The following ARID5B variants were observed in gnomAD, a reference collection of about 807,000 sequenced individuals.
ARID5B encodes the protein AT-rich interactive domain-containing protein 5B.
A neutral mutation model predicts 97.2 loss-of-function variants in ARID5B; 13 were observed. The ratio of observed to expected loss-of-function variants is 0.13; its 90% CI spans 0.09 to 0.21. ARID5B has a LOEUF of 0.21. ARID5B is among the 10% of genes least tolerant of loss of function. The probability of loss-of-function intolerance (pLI) is 1.00; values close to 1 mark genes in which losing one functional copy is unlikely to be tolerated. For synonymous variants in ARID5B, 556 were observed against 570.3 expected (o/e 0.97, Z 0.36); for missense variants, 1,210 against 1,465.3 (o/e 0.83, Z 2.84).
At chr10:61,970,981 G>A in intron 3 of ARID5B, among the ~76,000 whole-genome samples, 1 of 151,820 alleles carries the variant, frequency 6.6e-6, no homozygotes, top group African/African-American at 2.4e-5. Context: ...AAGTGTGTGT[G>A]TGTGTGTGTG....
chr10:61,995,462 C>T (rs148903630), intron 3 of ARID5B, among the ~76,000 whole-genome samples: 182 of 152,152 alleles, frequency 1.2e-3, no homozygotes, highest in South Asian at 2.5e-3. Flanking sequence ...TAAAATATGC[C>T]GACCATTGAA....
intron 3 of ARID5B, among the ~76,000 whole-genome samples, chr10:61,995,135 G>T (rs1838978984): frequency 6.6e-6 from 1 of 152,162 alleles, no homozygotes; most frequent in African/African-American, 2.4e-5. Flanking sequence ...ACTCCTAGGG[G>T]TACTTTGATT....
chr10:61,999,967 A>G (rs1269904936), intron 3 of ARID5B, 124 bp from the exon 4 acceptor site: 3 of 951,538 alleles, frequency 3.2e-6, no homozygotes, highest in South Asian at 3.1e-5. Context: ...CATCCCCCAG[A>G]CTGTAACAAG....
intron 2 of ARID5B, among the ~76,000 whole-genome samples, chr10:61,902,699 G>GTA (rs1554836060): frequency 1.1e-4 from 17 of 148,614 alleles, no homozygotes; most frequent in African/African-American, 4.2e-4. Flanking sequence ...GTGTGTGTGT[G>GTA]TGTATGTGTG....
At chr10:61,930,836 TC>T (rs747350562) in intron 2 of ARID5B, among the ~76,000 whole-genome samples, 4 of 152,198 alleles carry the variant, frequency 2.6e-5, no homozygotes, top group African/African-American at 4.8e-5. Context: ...TCTTCACATC[TC>T]CTTTTGGGAA....
chr10:61,941,461 C>T (rs1248720631), intron 3 of ARID5B, among the ~76,000 whole-genome samples: 1 of 151,456 alleles, frequency 6.6e-6, no homozygotes, highest in East Asian at 1.9e-4. Flanking sequence ...CTTTCATTTG[C>T]GCACAATGCT....
chr10:61,993,278 G>T lies in ARID5B; in HGVS notation c.503-6813G>T, dbSNP rs144858498. The stretch of plus-strand genomic sequence containing the variant: ...TACCTTAAGAGAGATTGAAAAATAC[G>T]GCAGGACACAGTACACATTTACATA... On this transcript the variant is annotated intron_variant, in intron 3 of 9. Transcript: ENST00000279873. Among the ~76,000 whole-genome samples, 366 of 152,146 alleles carry T rather than the reference G, an allele frequency of 2.4e-3. 1 individual carries two copies. The highest frequency in any genetic ancestry group is 8.2e-3 in the African/African-American group (341 of 41,496).
intron 8 of ARID5B, among the ~76,000 whole-genome samples, chr10:62,073,034 G>C (rs1184978185): frequency 6.6e-6 from 1 of 152,210 alleles, no homozygotes; most frequent in Non-Finnish European, 1.5e-5. Flanking sequence ...CTGTTTTCAA[G>C]AAGGGTCAAT....
At chr10:61,910,757 T>C (rs1843789642) in intron 2 of ARID5B, among the ~76,000 whole-genome samples, 1 of 152,268 alleles carries the variant, frequency 6.6e-6, no homozygotes. Flanking sequence ...AAATTAATTC[T>C]GCTTTTAAAA....
At chr10:61,976,389 T>C (rs1838698752) in intron 3 of ARID5B, among the ~76,000 whole-genome samples, 2 of 152,192 alleles carry the variant, frequency 1.3e-5, no homozygotes, top group South Asian at 4.1e-4. Flanking sequence ...TGGCTTTAAT[T>C]GCCAGTTTGG....
At chr10:61,909,290 C>T (rs927241169) in intron 2 of ARID5B, among the ~76,000 whole-genome samples, 1 of 149,136 alleles carries the variant, frequency 6.7e-6, no homozygotes, top group Non-Finnish European at 1.5e-5. Flanking sequence ...CCTCTGGGTC[C>T]TCTGCAATAT....
At chr10:61,997,479 C>T (rs1008209897) in intron 3 of ARID5B, among the ~76,000 whole-genome samples, 8 of 152,150 alleles carry the variant, frequency 5.3e-5, no homozygotes, top group African/African-American at 1.7e-4. Flanking sequence ...TCTGAAGCAA[C>T]TGTTCATTTA....
At chr10:62,065,587 T>C (rs1839975642) in intron 7 of ARID5B, among the ~76,000 whole-genome samples, 1 of 152,150 alleles carries the variant, frequency 6.6e-6, no homozygotes, top group Non-Finnish European at 1.5e-5. Context: ...GGCTCACGCC[T>C]GTAATCCCAG....
chr10:62,047,433 G>T (rs1462006279), intron 4 of ARID5B, among the ~76,000 whole-genome samples: 1 of 152,136 alleles, frequency 6.6e-6, no homozygotes, highest in Non-Finnish European at 1.5e-5. Context: ...TACGTCTATT[G>T]CTTTGCACTG....
rs985107127 is a variant in ARID5B at position 61,930,111 on chromosome 10, A to C, written c.277-10072A>C. ...AATCCCCATAGAGAATGATTTCTTTAAGGAGTGATATGCAGAGAAAGAAGA... is the reference window on the plus strand; with the variant it reads ...AATCCCCATAGAGAATGATTTCTTTCAGGAGTGATATGCAGAGAAAGAAGA... On this transcript the variant is annotated intron_variant, in intron 2 of 9. Coordinates refer to ENST00000279873, the MANE Select transcript of ARID5B (RefSeq NM_032199.3). 5.9e-5 allele frequency among the ~76,000 whole-genome samples: 9 copies of C among 152,240 alleles called. 1 individual carries two copies. Among genetic ancestry groups the C allele is most frequent in the African/African-American group, 9.6e-5 (4 of 41,466 alleles).
chr10:61,974,450 C>T (rs1233892631), intron 3 of ARID5B, among the ~76,000 whole-genome samples: 1 of 152,036 alleles, frequency 6.6e-6, no homozygotes, highest in African/African-American at 2.4e-5. Context: ...TCTAGCATTC[C>T]AGAAATCATG....
At chr10:62,064,537 T>C (rs989823337) in intron 7 of ARID5B, among the ~76,000 whole-genome samples, 8 of 152,210 alleles carry the variant, frequency 5.3e-5, no homozygotes, top group Admixed American at 3.9e-4. Context: ...GCCTCAAAGA[T>C]AGAGAAATCA....
intron 4 of ARID5B, chr10:62,049,193 C>T (rs1292183143): frequency 1.0e-5 from 13 of 1,288,200 alleles, no homozygotes; most frequent in Non-Finnish European, 1.3e-5. Flanking sequence ...CATCTCCGTG[C>T]GGGGAGGTGG....
At chr10:62,005,813 G>A (rs1464041833) in intron 4 of ARID5B, among the ~76,000 whole-genome samples, 1 of 152,192 alleles carries the variant, frequency 6.6e-6, no homozygotes, top group Non-Finnish European at 1.5e-5. Flanking sequence ...GGAAATGAAA[G>A]GCAGTTGTTT....
Sources: gnomAD v4.1 joint callset for allele counts (sites outside exome capture counted in the v4.1 genomes callset) on GRCh38, gnomAD v4.1.1 for gene constraint, MANE v1.5 for transcripts, NCBI Gene and HGNC (gene_info 2026-07-23, HGNC 2026-07-21) for gene names.